The following GAL variants were observed in gnomAD, a reference collection of about 807,000 sequenced individuals.
The protein encoded by GAL is galanin peptides.
A neutral mutation model predicts 15.8 loss-of-function variants in GAL; 14 were observed. That is an observed-to-expected ratio of 0.89 (90% CI 0.59 to 1.39). The LOEUF (loss-of-function observed/expected upper bound fraction) is 1.39, where lower values mean the gene tolerates loss of function less well. GAL is among the 40% of genes most tolerant of loss of function. GAL has a pLI of 0.00. For synonymous variants in GAL, 79 were observed against 73.8 expected (o/e 1.07, Z -0.36); for missense variants, 176 against 170.4 (o/e 1.03, Z -0.18).
At chr11:68,687,311 C>A (rs1231578515) in intron 3 of GAL, among the ~76,000 whole-genome samples, 1 of 152,144 alleles carries the variant, frequency 6.6e-6, no homozygotes, top group Non-Finnish European at 1.5e-5. Context: ...CAGCCCTCCT[C>A]TTCACCCCAC....
At chr11:68,689,676 C>T (rs1382877877) in intron 5 of GAL, among the ~76,000 whole-genome samples, 4 of 152,192 alleles carry the variant, frequency 2.6e-5, no homozygotes, top group East Asian at 3.8e-4. Flanking sequence ...GGATTACAGG[C>T]GTGAGCCACT....
chr11:68,687,926 T>C, intron 3 of GAL, 88 bp from the exon 4 acceptor site: 5 of 801,808 alleles, frequency 6.2e-6, no homozygotes, highest in South Asian at 1.4e-5. Flanking sequence ...GTGTGTTGGC[T>C]ACAGGCAGCC....
At chr11:68,689,401 C>T (rs867829151) in intron 5 of GAL, among the ~76,000 whole-genome samples, 50 of 149,542 alleles carry the variant, frequency 3.3e-4, no homozygotes, top group African/African-American at 1.2e-3. Context: ...CTTTCTCTCT[C>T]TCTTTCTTCC....
intron 2 of GAL, among the ~76,000 whole-genome samples, chr11:68,685,332 G>C (rs1945841488): frequency 6.6e-6 from 1 of 152,270 alleles, no homozygotes; most frequent in Admixed American, 6.5e-5. Flanking sequence ...AGCCACTGGC[G>C]TGGCCTCAGC....
chr11:68,690,874 A>C, intron 5 of GAL, 43 bp from the exon 6 acceptor site: 1 of 1,240,614 alleles, frequency 8.1e-7, no homozygotes, highest in Non-Finnish European at 1.2e-6. Context: ...TCTCATGTGC[A>C]TATTAAGAAG....
At chr11:68,688,154 G>C in intron 4 of GAL, 54 bp downstream of exon 4, 2 of 1,055,994 alleles carry the variant, frequency 1.9e-6, no homozygotes, top group East Asian at 4.7e-5. Flanking sequence ...CCAGCTCCCA[G>C]GTGCATGCAG....
chr11:68,688,123 C>G, intron 4 of GAL, 23 bp downstream of exon 4: 1 of 1,438,768 alleles, frequency 7.0e-7, no homozygotes, highest in Non-Finnish European at 9.8e-7. Flanking sequence ...CTATCCCGGG[C>G]CCCGGGGCAC....
intron 2 of GAL, 43 bp from the exon 3 acceptor site, chr11:68,685,551 C>G: frequency 6.2e-6 from 9 of 1,452,290 alleles, no homozygotes; most frequent in Non-Finnish European, 8.7e-6. Flanking sequence ...AGCATAGGCT[C>G]CAGGCACAGC....
At chr11:68,686,158 T>C (rs1481199751) in intron 3 of GAL, among the ~76,000 whole-genome samples, 1 of 152,154 alleles carries the variant, frequency 6.6e-6, no homozygotes, top group Non-Finnish European at 1.5e-5. Flanking sequence ...TGTCCTGTTG[T>C]TGTCACCTGT....
intron 5 of GAL, among the ~76,000 whole-genome samples, chr11:68,690,144 G>A (rs892819136): frequency 3.3e-5 from 5 of 152,028 alleles, no homozygotes; most frequent in African/African-American, 1.2e-4. Context: ...TGCTCTGAGA[G>A]TTAAGGGGGA....
chr11:68,689,171 G>A (rs565548746), intron 5 of GAL, among the ~76,000 whole-genome samples: 71 of 152,090 alleles, frequency 4.7e-4, no homozygotes, highest in African/African-American at 1.7e-3. Flanking sequence ...GCTGGTCCCA[G>A]GAAGAGAGTG....
At chr11:68,690,233 A>G (rs1304153800) in intron 5 of GAL, among the ~76,000 whole-genome samples, 1 of 151,576 alleles carries the variant, frequency 6.6e-6, no homozygotes, top group African/African-American at 2.4e-5. Flanking sequence ...GAGAGTTAAC[A>G]GGGAGCTGGT....
At chr11:68,687,255 G>A (rs770859609) in intron 3 of GAL, among the ~76,000 whole-genome samples, 59 of 152,008 alleles carry the variant, frequency 3.9e-4, no homozygotes, top group Non-Finnish European at 7.6e-4. Context: ...CCTCACCCTC[G>A]TCCCCATCTC....
Position 68,685,015 on chromosome 11 carries a change from G to T in GAL, c.81+11G>T. On this transcript the variant is annotated intron_variant, in intron 2 of 5. Coordinates refer to ENST00000265643, the MANE Select transcript of GAL (RefSeq NM_015973.5). Reference sequence around the variant, plus strand: ...GGGCTCTGGTCGCCGGTAAGTGCGGGGCGCGTCTCCTCCGAGCGAAGGGGA... The same window carrying T: ...GGGCTCTGGTCGCCGGTAAGTGCGGTGCGCGTCTCCTCCGAGCGAAGGGGA... The T allele has an allele frequency of 6.4e-7, 1 of 1,569,566 alleles. No individual in the cohort carries two copies. The highest frequency in any genetic ancestry group is 8.7e-7 in the Non-Finnish European group (1 of 1,151,058).
chr11:68,690,937 C>A lies in GAL; in HGVS notation c.322C>A (p.Leu108Ile). The change falls in exon 6 of 6, where the codon CTC becomes ATC. Residue 108 changes from leucine to isoleucine, a missense_variant. Physicochemically the swap from Leu to Ile is conservative, Grantham distance 5. Coordinates refer to ENST00000265643, the MANE Select transcript of GAL (RefSeq NM_015973.5). The stretch of plus-strand genomic sequence containing the variant: ...TGCAGAGGCCGGTGCCCTCGACCGC[C>A]TCCTGGATCTCCCCGCCGCAGCCTC... ...HLKEAGALDR[L>I]LDLPAAASSE... 6.2e-7 allele frequency: 1 copy of A among 1,613,256 alleles called. No homozygotes were observed. Among genetic ancestry groups the A allele is most frequent in the Non-Finnish European group, 8.5e-7 (1 of 1,179,518 alleles).
Position 68,685,693 on chromosome 11 carries a change from C to T in GAL, c.136+45C>T, listed in dbSNP as rs201001800. On this transcript the variant is annotated intron_variant, in intron 3 of 5. Coordinates refer to ENST00000265643, the MANE Select transcript of GAL (RefSeq NM_015973.5). ...GCCTCCCCACTCCTGACCCCACCTG[C>T]CCCTCGCTTTGAACCCTGGCTCCTG... The T allele has an allele frequency of 8.6e-5, 124 of 1,436,108 alleles. 1 individual carries two copies. In the African/African-American group the frequency reaches 1.7e-3, roughly 20 times the overall value. The allele number at this position is 1,436,108 out of a possible 1,614,324, so 89.0% of individuals were successfully genotyped here.
At chr11:68,690,895 G>T (rs1322963610) in intron 5 of GAL, 22 bp from the exon 6 acceptor site, 1 of 1,556,094 alleles carries the variant, frequency 6.4e-7, no homozygotes, top group Admixed American at 1.7e-5. Context: ...TTGCTGCTCA[G>T]ATGTGGCTCT....
At position 68,690,958 on chromosome 11, in the gene GAL, G is replaced by A; in HGVS notation, c.343G>A (p.Ala115Thr). 6.2e-7 allele frequency: 1 copy of A among 1,613,362 alleles called. No homozygotes were observed. The highest frequency in any genetic ancestry group is 8.5e-7 in the Non-Finnish European group (1 of 1,179,552). Reference protein sequence around the residue: ...LDRLLDLPAAASSEDIERS With the variant: ...LDRLLDLPAATSSEDIERS ...CCGCCTCCTGGATCTCCCCGCCGCA[G>A]CCTCCTCAGAAGACATCGAGCGGTC... Residue 115 changes from alanine (A) to threonine (T), a missense_variant, in exon 6 of 6, where the codon GCC (alanine) becomes ACC (threonine). Ala to Thr is a moderately conservative substitution (Grantham distance 58). Transcript: ENST00000265643.
chr11:68,691,033 A>G lies in GAL; in HGVS notation c.*46A>G. ...TCTGTGTGCTGTAACCTGAAGTCAA[A>G]CCTTAAGATAATGGATAATCTTCGG... On this transcript the variant is annotated 3_prime_UTR_variant, in exon 6 of 6. Coordinates refer to ENST00000265643, the MANE Select transcript of GAL (RefSeq NM_015973.5). 8.4e-7 allele frequency: 1 copy of G among 1,186,266 alleles called. No individual in the cohort carries two copies. Among genetic ancestry groups the G allele is most frequent in the Non-Finnish European group, 1.3e-6 (1 of 790,124 alleles). 73.5% of individuals were successfully genotyped at this position (1,186,266 alleles called of 1,614,324 possible).
Sources: gnomAD v4.1 joint callset for allele counts (sites outside exome capture counted in the v4.1 genomes callset) on GRCh38, gnomAD v4.1.1 for gene constraint, MANE v1.5 for transcripts, NCBI Gene and HGNC (gene_info 2026-07-23, HGNC 2026-07-21) for gene names.